BBX: variants seen among roughly 807,000 people sequenced by gnomAD.
BBX encodes HMG box transcription factor BBX.
A neutral mutation model predicts 100.2 loss-of-function variants in BBX; 30 were observed. The observed-to-expected ratio is 0.30, with a 90% CI of 0.22 to 0.41. BBX has a LOEUF of 0.41. Among genes scored for constraint, BBX ranks in the 10% least tolerant of loss-of-function variants. The pLI is 1.00. For synonymous variants in BBX, 376 were observed against 388.1 expected (o/e 0.97, Z 0.37); for missense variants, 1,023 against 1,129.8 (o/e 0.91, Z 1.35).
chr3:107,750,990 G>A (rs182614130), intron 9 of BBX, among the ~76,000 whole-genome samples: 2 of 152,186 alleles, frequency 1.3e-5, no homozygotes, highest in African/African-American at 4.8e-5. Context: ...GCTTCTGACT[G>A]ATTAAATCTG....
At chr3:107,653,329 A>G (rs1436733224) in intron 3 of BBX, among the ~76,000 whole-genome samples, 1 of 152,214 alleles carries the variant, frequency 6.6e-6, no homozygotes, top group Non-Finnish European at 1.5e-5. Context: ...CCAACACTTC[A>G]TCAGCGACCC....
chr3:107,640,268 T>A (rs1394453184), intron 2 of BBX, among the ~76,000 whole-genome samples: 1 of 152,160 alleles, frequency 6.6e-6, no homozygotes, highest in Non-Finnish European at 1.5e-5. Context: ...AAAGAGCAAA[T>A]CACATTGCTT....
At chr3:107,748,952 G>A (rs1238738960) in intron 9 of BBX, among the ~76,000 whole-genome samples, 1 of 151,656 alleles carries the variant, frequency 6.6e-6, no homozygotes, top group Non-Finnish European at 1.5e-5. Context: ...AGAAAACCTA[G>A]CATCTTACTT....
chr3:107,611,290 T>TA (rs35807614), intron 2 of BBX, among the ~76,000 whole-genome samples: 1,545 of 152,314 alleles, frequency 0.01, 14 homozygotes, highest in South Asian at 0.043. Context: ...ATTACGGTAT[T>TA]ATAATAGTCT....
intron 3 of BBX, among the ~76,000 whole-genome samples, chr3:107,704,928 GAGA>G (rs1414452344): frequency 6.6e-6 from 1 of 152,166 alleles, no homozygotes; most frequent in Non-Finnish European, 1.5e-5. Flanking sequence ...CTTGGAGGAT[GAGA>G]AGGACTTTCA....
At chr3:107,694,901 A>C (rs1254729914) in intron 3 of BBX, among the ~76,000 whole-genome samples, 2 of 151,628 alleles carry the variant, frequency 1.3e-5, no homozygotes, top group Non-Finnish European at 2.9e-5. Context: ...CAGAGATTCA[A>C]CTTCTTCCTG....
At chr3:107,524,141 T>C (rs1417931494) in intron 1 of BBX, 1 of 152,050 alleles carries the variant, frequency 6.6e-6, no homozygotes, top group Non-Finnish European at 1.5e-5. Context: ...AGGCTGAGGG[T>C]GGTGGTGGAG....
At chr3:107,697,930 G>A (rs546665495) in intron 3 of BBX, among the ~76,000 whole-genome samples, 3 of 151,966 alleles carry the variant, frequency 2.0e-5, no homozygotes, top group Non-Finnish European at 4.4e-5. Context: ...TCAGAAAAGC[G>A]CAGTATTCGG....
chr3:107,730,481 T>C (rs927980084), intron 6 of BBX, among the ~76,000 whole-genome samples: 4 of 142,112 alleles, frequency 2.8e-5, no homozygotes, highest in Non-Finnish European at 6.1e-5. Flanking sequence ...AGTTTGTTGT[T>C]GTTGTTGTTG....
chr3:107,609,050 CT>C (rs1355314960), intron 2 of BBX, among the ~76,000 whole-genome samples: 2 of 152,026 alleles, frequency 1.3e-5, no homozygotes, highest in African/African-American at 4.8e-5. Flanking sequence ...CCTTTATTGC[CT>C]AAGAAACTTG....
intron 2 of BBX, among the ~76,000 whole-genome samples, chr3:107,603,727 C>T (rs1419511429): frequency 6.6e-6 from 1 of 152,120 alleles, no homozygotes; most frequent in African/African-American, 2.4e-5. Context: ...TGACATTCAG[C>T]AACCACCACC....
chr3:107,765,475 A>G (rs534542615), intron 10 of BBX, among the ~76,000 whole-genome samples: 11 of 150,790 alleles, frequency 7.3e-5, no homozygotes, highest in Middle Eastern at 3.4e-3. Flanking sequence ...GTGTGTGTGT[A>G]TGTGTGTTTT....
chr3:107,739,104 A>G (rs1186014862), intron 7 of BBX, among the ~76,000 whole-genome samples: 1 of 152,212 alleles, frequency 6.6e-6, no homozygotes, highest in Non-Finnish European at 1.5e-5. Flanking sequence ...ACAAATACAG[A>G]TTTAAATAAA....
chr3:107,744,807 C>A, intron 8 of BBX, 97 bp downstream of exon 8: 1 of 972,290 alleles, frequency 1.0e-6, no homozygotes, highest in Non-Finnish European at 1.6e-6. Flanking sequence ...AAGAACTCTA[C>A]TCAGCTCAAC....
chr3:107,614,012 C>G (rs1203088789), intron 2 of BBX, among the ~76,000 whole-genome samples: 1 of 123,410 alleles, frequency 8.1e-6, no homozygotes, highest in Non-Finnish European at 1.6e-5. Flanking sequence ...AGTGCAGTGG[C>G]GCAATCTCGG....
intron 3 of BBX, among the ~76,000 whole-genome samples, chr3:107,654,522 T>G (rs2058026476): frequency 6.6e-6 from 1 of 152,200 alleles, no homozygotes; most frequent in Non-Finnish European, 1.5e-5. Context: ...TTAGAACTTT[T>G]ACTTTCGAAT....
chr3:107,772,516 T>C (rs2066989158), intron 10 of BBX, 112 bp from the exon 11 acceptor site: 1 of 1,180,546 alleles, frequency 8.5e-7, no homozygotes, highest in South Asian at 1.7e-5. Context: ...GTTGTAAAGT[T>C]TAAAGTGTGT....
At chr3:107,657,208 A>C (rs2058196021) in intron 3 of BBX, 2 of 152,172 alleles carry the variant, frequency 1.3e-5, no homozygotes, top group South Asian at 4.1e-4. Flanking sequence ...GTGTGTTGAC[A>C]GTTGTAAAAG....
chr3:107,763,183 C>CA (rs2032409898), intron 10 of BBX, among the ~76,000 whole-genome samples: 1 of 151,968 alleles, frequency 6.6e-6, no homozygotes, highest in Non-Finnish European at 1.5e-5. Context: ...ACACAGCCTC[C>CA]ACCAGTTAAA....
Sources: allele counts gnomAD v4.1 joint callset (sites outside exome capture counted in the v4.1 genomes callset), GRCh38; gene constraint gnomAD v4.1.1; transcripts MANE v1.5; gene names NCBI Gene and HGNC (gene_info 2026-07-23, HGNC 2026-07-21).